Variants in KIF13B observed in about 807,000 individuals in gnomAD.
KIF13B encodes kinesin family member 13B, also known as kinesin-like protein KIF13B.
In KIF13B, 127 loss-of-function variants were observed where a neutral mutation model predicts 222.0. That is an observed-to-expected ratio of 0.57 (90% CI 0.50 to 0.66). KIF13B has a LOEUF of 0.66. Among genes scored for constraint, KIF13B ranks in the 30% least tolerant of loss-of-function variants. The probability of loss-of-function intolerance (pLI) is 0.00; values close to 1 mark genes in which losing one functional copy is unlikely to be tolerated. For missense variants in KIF13B, 2,173 were observed against 2,379.0 expected (o/e 0.91, Z 1.80); for synonymous variants, 976 against 919.0 (o/e 1.06, Z -1.12).
intron 2 of KIF13B, among the ~76,000 whole-genome samples, chr8:29,236,888 A>G (rs1008772918): frequency 6.6e-6 from 1 of 151,596 alleles, no homozygotes; most frequent in Non-Finnish European, 1.5e-5. Context: ...TGCACAACAG[A>G]ATAACTTTTT....
Position 29,099,186 on chromosome 8 carries a change from G to A in KIF13B, c.4271C>T (p.Ala1424Val), listed in dbSNP as rs1433256877. The change falls in exon 36 of 40, where the codon GCT becomes GTT. Residue 1424 changes from alanine to valine, a missense_variant. Physicochemically the swap from Ala to Val is moderately conservative, Grantham distance 64. This residue lies in a region of KIF13B where 693 missense variants were observed against 656.2 expected (regional missense o/e 1.06). Coordinates refer to ENST00000524189, the MANE Select transcript of KIF13B (RefSeq NM_015254.4). ...AGAAACAGAGAGGGCGGGGGCAGGAGCTATTCCTCTGGAAACTGTGGTTTG... is the reference window on the plus strand; with the variant it reads ...AGAAACAGAGAGGGCGGGGGCAGGAACTATTCCTCTGGAAACTGTGGTTTG... ...VSQTTVSRGI[A>V]PAPALSVSPQ... The A allele has an allele frequency of 1.2e-6, 2 of 1,613,690 alleles. No individual in the cohort carries two copies. Among genetic ancestry groups the A allele is most frequent in the Non-Finnish European group, 8.5e-7 (1 of 1,179,742 alleles).
chr8:29,150,873 A>G (rs1037585185), intron 14 of KIF13B, among the ~76,000 whole-genome samples: 12 of 152,304 alleles, frequency 7.9e-5, no homozygotes, highest in African/African-American at 2.6e-4. Context: ...CCATATTGAA[A>G]TTAGGCTAAT....
Position 29,132,428 on chromosome 8 carries a change from T to C in KIF13B, c.2822A>G (p.His941Arg), listed in dbSNP as rs765457282. ...SVNITEDFIE[H>R]LSEGALAIEV... ...AATTGCCAATGCTCCTTCGGAAAGATGCTCGATAAAGTCTTCGGTGATGTT... is the reference window on the plus strand; with the variant it reads ...AATTGCCAATGCTCCTTCGGAAAGACGCTCGATAAAGTCTTCGGTGATGTT... Residue 941 changes from histidine to arginine, a missense_variant, in exon 23 of 40, where the codon CAT (histidine) becomes CGT (arginine). His to Arg is a conservative substitution (Grantham distance 29, BLOSUM62 0). Coordinates refer to ENST00000524189, the MANE Select transcript of KIF13B (RefSeq NM_015254.4). 10 of 1,574,950 alleles carry C rather than the reference T, an allele frequency of 6.3e-6. No individual in the cohort carries two copies. Among genetic ancestry groups the C allele is most frequent in the Non-Finnish European group, 8.6e-6 (10 of 1,159,180 alleles).
At chr8:29,176,822 T>C (rs2130247542) in intron 9 of KIF13B, among the ~76,000 whole-genome samples, 1 of 151,796 alleles carries the variant, frequency 6.6e-6, no homozygotes, top group African/African-American at 2.4e-5. Flanking sequence ...TTCAGCCCCA[T>C]CAAGCACCTC....
chr8:29,179,569 GA>G (rs1199531341), intron 8 of KIF13B, among the ~76,000 whole-genome samples: 2 of 152,182 alleles, frequency 1.3e-5, no homozygotes, highest in African/African-American at 4.8e-5. Flanking sequence ...ACATTTCTCA[GA>G]CTCCCTGGCC....
chr8:29,176,689 A>G (rs1363316464), intron 9 of KIF13B, among the ~76,000 whole-genome samples: 1 of 152,212 alleles, frequency 6.6e-6, no homozygotes, highest in Non-Finnish European at 1.5e-5. Flanking sequence ...AGGAACTGAT[A>G]AACAAAATAT....
chr8:29,116,977 C>T lies in KIF13B; in HGVS notation c.3691G>A (p.Val1231Met). ...VKAEASWDSAVHGCPQLSRGT... is the reference protein window; with the variant it reads ...VKAEASWDSAMHGCPQLSRGT... ...CTGCTGAGCTGAGGGCAGCCATGCA[C>T]CGCGGAGTCCCAGGAGGCTTCTGCT... The change falls in exon 31 of 40, where the codon GTG becomes ATG. Residue 1231 changes from valine to methionine, a missense_variant. Transcript: ENST00000524189. 2 of 1,600,516 alleles carry T rather than the reference C, an allele frequency of 1.2e-6. No individual in the cohort carries two copies. The highest frequency in any genetic ancestry group is 1.7e-6 in the Non-Finnish European group (2 of 1,170,524).
At chr8:29,122,385 T>C (rs1052522470) in intron 29 of KIF13B, among the ~76,000 whole-genome samples, 3 of 152,148 alleles carry the variant, frequency 2.0e-5, no homozygotes, top group African/African-American at 7.2e-5. Flanking sequence ...GTGAGGAGTA[T>C]GGTGAAGCAC....
intron 2 of KIF13B, among the ~76,000 whole-genome samples, chr8:29,242,932 A>G (rs1434468779): frequency 6.6e-6 from 1 of 152,220 alleles, no homozygotes; most frequent in Non-Finnish European, 1.5e-5. Flanking sequence ...TCCACTCAAC[A>G]TTAAGCAAAC....
chr8:29,199,591 A>G (rs1263725004), intron 2 of KIF13B, among the ~76,000 whole-genome samples: 2 of 151,148 alleles, frequency 1.3e-5, no homozygotes, highest in African/African-American at 4.9e-5. Context: ...AAAAAAAAAA[A>G]AAAAGAAAGA....
In KIF13B at chr8:29,191,165, C is replaced by A. The variant is rs937369687; in HGVS notation, c.163-108G>T. On this transcript the variant is annotated intron_variant, in intron 3 of 39. Coordinates refer to ENST00000524189, the MANE Select transcript of KIF13B (RefSeq NM_015254.4). The stretch of plus-strand genomic sequence containing the variant: ...TGAAATAAAACAACTTACTGTCATA[C>A]AATGGGAATTAATTATGTATGTAGA... 1.9e-5 allele frequency: 15 copies of A among 776,898 alleles called. No individual in the cohort carries two copies. The African/African-American group carries it at 2.6e-4, about 14-fold the overall frequency. The allele number at this position is 776,898 out of a possible 1,614,324, so 48.1% of individuals were successfully genotyped here. A position where few individuals can be genotyped will look rare whatever the true frequency, so the allele number is the denominator to read the frequency against.
At chr8:29,193,176 C>A (rs181478007) in intron 3 of KIF13B, among the ~76,000 whole-genome samples, 2 of 152,190 alleles carry the variant, frequency 1.3e-5, no homozygotes, top group Non-Finnish European at 2.9e-5. Flanking sequence ...AGACCCCCAG[C>A]GGCTGACAGC....
intron 2 of KIF13B, among the ~76,000 whole-genome samples, chr8:29,231,979 G>T (rs1233521092): frequency 6.6e-6 from 1 of 152,048 alleles, no homozygotes; most frequent in African/African-American, 2.4e-5. Flanking sequence ...GAAATATCTG[G>T]GTGCAGCTGG....
intron 37 of KIF13B, among the ~76,000 whole-genome samples, chr8:29,078,127 C>CAAAAAAAAAAAAAAAA (rs10530503): frequency 2.7e-5 from 2 of 74,266 alleles, no homozygotes; most frequent in African/African-American, 6.0e-5. Context: ...TACTAAAATC[C>CAAAAAAAAAAAAAAAA]AAAAAAAAAA....
intron 2 of KIF13B, among the ~76,000 whole-genome samples, chr8:29,224,387 C>T (rs544150538): frequency 9.4e-4 from 143 of 152,046 alleles, no homozygotes; most frequent in Non-Finnish European, 1.7e-3. Flanking sequence ...AATCACTGGC[C>T]GGGCATGGTG....
At chr8:29,091,880 A>G (rs1336135895) in intron 37 of KIF13B, among the ~76,000 whole-genome samples, 1 of 152,230 alleles carries the variant, frequency 6.6e-6, no homozygotes, top group Non-Finnish European at 1.5e-5. Context: ...ATGCTTATAT[A>G]AAGCTAGATT....
At chr8:29,255,959 G>A (rs577904220) in intron 1 of KIF13B, among the ~76,000 whole-genome samples, 37 of 152,078 alleles carry the variant, frequency 2.4e-4, no homozygotes, top group Middle Eastern at 3.4e-3. Context: ...CACACCTGAG[G>A]TGCTCTATCT....
intron 6 of KIF13B, among the ~76,000 whole-genome samples, chr8:29,185,872 CA>C (rs1812902228): frequency 6.6e-6 from 1 of 152,204 alleles, no homozygotes. Context: ...TTTCCTCACT[CA>C]GTTACAGCTG....
chr8:29,148,712 G>A lies in KIF13B; in HGVS notation c.1678C>T (p.Pro560Ser), dbSNP rs773388574. 3 of 1,609,982 alleles carry A rather than the reference G, an allele frequency of 1.9e-6. No homozygotes were observed. The highest frequency in any genetic ancestry group is 2.5e-6 in the Non-Finnish European group (3 of 1,178,176). The change falls in exon 16 of 40, where the codon CCC becomes TCC. Residue 560 changes from proline to serine, a missense_variant. Around this residue, in one of 2 missense-constraint regions of KIF13B, gnomAD observed 1,480 missense variants for 1,722.8 expected, o/e 0.86. Transcript: ENST00000524189. The stretch of plus-strand genomic sequence containing the variant: ...GAACTATTCTCGTTCTTCATGGAGG[G>A]ATCCTGGTCCTCATCCTCTCGTTCT... ...KAEREDEDQD[P>S]SMKNENSSEQ... is the part of the protein sequence containing the mutation.
Sources: gnomAD v4.1 joint callset for allele counts (sites outside exome capture counted in the v4.1 genomes callset) on GRCh38, gnomAD v4.1.1 for gene constraint, gnomAD v4.1.1 regional missense constraint, MANE v1.5 for transcripts, NCBI Gene and HGNC (gene_info 2026-07-23, HGNC 2026-07-21) for gene names.